The following DLEU7 variants were observed in gnomAD, a reference collection of about 807,000 sequenced individuals.
The protein encoded by DLEU7 is leukemia-associated protein 7.
DLEU7 carries 17 observed loss-of-function variants against 16.0 expected under a neutral mutation model. The observed-to-expected ratio is 1.06, with a 90% CI of 0.73 to 1.59. DLEU7 has a LOEUF of 1.59. DLEU7 is among the 40% of genes most tolerant of loss of function. The probability of loss-of-function intolerance (pLI) is 0.00; values close to 1 mark genes in which losing one functional copy is unlikely to be tolerated. For missense variants in DLEU7, 308 were observed against 314.9 expected (o/e 0.98, Z 0.17); for synonymous variants, 113 against 139.8 (o/e 0.81, Z 1.35).
At position 50,713,375 on chromosome 13, in the gene DLEU7, A is replaced by G. The variant is rs552954883; in HGVS notation, c.460-135T>C. 4.6e-6 allele frequency: 5 copies of G among 1,082,308 alleles called. No individual in the cohort carries two copies. In the African/African-American group the frequency reaches 7.8e-5, roughly 17 times the overall value. 67.0% of individuals were successfully genotyped at this position (1,082,308 alleles called of 1,614,324 possible). On this transcript the variant is annotated intron_variant, in intron 1 of 1. Coordinates refer to the DLEU7 transcript ENST00000400393. ...GTACTGGAGATATGGGCTAACACAC[A>G]TTTCTTGGCTACCCATTATAGATAA...
chr13:50,731,227 G>C (rs1382912138), intron 1 of DLEU7, among the ~76,000 whole-genome samples: 1 of 152,202 alleles, frequency 6.6e-6, no homozygotes, highest in Non-Finnish European at 1.5e-5. Context: ...GTGCTCTTGA[G>C]TGGAGTGTAC....
chr13:50,744,023 G>C (rs568296486), intron 1 of DLEU7, among the ~76,000 whole-genome samples: 2 of 152,190 alleles, frequency 1.3e-5, no homozygotes, highest in South Asian at 4.2e-4. Context: ...TCTGCCAATG[G>C]GTATATAAGG....
intron 1 of DLEU7, among the ~76,000 whole-genome samples, chr13:50,810,429 T>C (rs115284709): frequency 0.017 from 2,553 of 152,244 alleles, 68 homozygotes; most frequent in African/African-American, 0.059. Context: ...CCATCTATTA[T>C]TACCTTTGCT....
chr13:50,835,643 C>G (rs530183818), intron 1 of DLEU7, among the ~76,000 whole-genome samples: 4 of 152,334 alleles, frequency 2.6e-5, no homozygotes, highest in African/African-American at 9.6e-5. Flanking sequence ...CAACCCTGAG[C>G]TAATCAGAAA....
At chr13:50,814,473 A>T (rs1876663161) in intron 1 of DLEU7, among the ~76,000 whole-genome samples, 1 of 152,034 alleles carries the variant, frequency 6.6e-6, no homozygotes, top group Admixed American at 6.6e-5. Context: ...CAACAAACTA[A>T]TAATAATGAA....
At chr13:50,746,456 T>C (rs595270) in intron 1 of DLEU7, among the ~76,000 whole-genome samples, 75 of 152,304 alleles carry the variant, frequency 4.9e-4, no homozygotes, top group African/African-American at 1.8e-3. Context: ...AATGGATAAA[T>C]TTAATTTCCT....
At chr13:50,814,910 G>A (rs955655142) in intron 1 of DLEU7, among the ~76,000 whole-genome samples, 9 of 151,204 alleles carry the variant, frequency 6.0e-5, no homozygotes, top group African/African-American at 1.9e-4. Flanking sequence ...ATTTGGGTTG[G>A]GTGAAGAATT....
intron 1 of DLEU7, among the ~76,000 whole-genome samples, chr13:50,775,432 A>G (rs1875465177): frequency 6.6e-6 from 1 of 152,246 alleles, no homozygotes; most frequent in African/African-American, 2.4e-5. Context: ...TGTCTAACTT[A>G]TCAGGACTTG....
At chr13:50,843,848 G>A (rs1362871512), upstream of DLEU7, 15 of 644,246 alleles carry the variant, frequency 2.3e-5, 1 homozygote, top group East Asian at 5.2e-4. This position sits in a 1 kb window ranked among gnomAD's most constrained non-coding sequence, Gnocchi z 5.7. Context: ...GTCCGAATCA[G>A]GCGTGTTCTG....
chr13:50,771,103 C>T (rs1001495143), intron 1 of DLEU7, among the ~76,000 whole-genome samples: 1 of 152,136 alleles, frequency 6.6e-6, no homozygotes, highest in African/African-American at 2.4e-5. Context: ...TCTGTGGAAT[C>T]GGTGGTGATA....
At chr13:50,793,964 T>A (rs1024182183) in intron 1 of DLEU7, among the ~76,000 whole-genome samples, 1 of 152,240 alleles carries the variant, frequency 6.6e-6, no homozygotes, top group Non-Finnish European at 1.5e-5. Context: ...AGGTTTCTTC[T>A]AGGATTTTTA....
Position 50,823,299 on chromosome 13 carries a change from C to T in DLEU7, c.*15G>A, listed in dbSNP as rs1375606096. The T allele has an allele frequency of 4.9e-5, 75 of 1,534,302 alleles. No individual in the cohort carries two copies. Among genetic ancestry groups the T allele is most frequent in the Non-Finnish European group, 6.2e-5 (71 of 1,145,534 alleles). On this transcript the variant is annotated 3_prime_UTR_variant, in exon 2 of 2. Transcript: ENST00000504404. ...ACAGTGCTGGCTGTGGTTTTACTCC[C>T]GATGCCTTTAACACTCATATGTCTG...
At chr13:50,722,969 T>C (rs1873664208) in intron 1 of DLEU7, among the ~76,000 whole-genome samples, 1 of 152,226 alleles carries the variant, frequency 6.6e-6, no homozygotes, top group African/African-American at 2.4e-5. Flanking sequence ...CTTGTACTCA[T>C]TTGCAAAACA....
intron 1 of DLEU7, among the ~76,000 whole-genome samples, chr13:50,747,580 G>A (rs973491626): frequency 7.2e-5 from 11 of 152,002 alleles, no homozygotes; most frequent in African/African-American, 2.7e-4. Context: ...TCTAGTTGGA[G>A]CCAGTCACAG....
chr13:50,829,965 T>C (rs1313302856), intron 1 of DLEU7, among the ~76,000 whole-genome samples: 16 of 152,188 alleles, frequency 1.1e-4, no homozygotes, highest in Admixed American at 1.0e-3. Flanking sequence ...ATGATCAATA[T>C]TGGTGATGAT....
intron 1 of DLEU7, among the ~76,000 whole-genome samples, chr13:50,781,213 T>A (rs1491000217): frequency 6.6e-6 from 1 of 152,200 alleles, no homozygotes; most frequent in Non-Finnish European, 1.5e-5. Context: ...CTTTTGTTCA[T>A]GAGGGTTGTA....
intron 1 of DLEU7, among the ~76,000 whole-genome samples, chr13:50,753,504 C>T (rs1234137702): frequency 5.3e-5 from 8 of 152,362 alleles, no homozygotes; most frequent in South Asian, 2.1e-4. Flanking sequence ...ACTGGTGGGC[C>T]GGCTCTGCTG....
intron 1 of DLEU7, among the ~76,000 whole-genome samples, chr13:50,770,805 C>T (rs1353160017): frequency 1.3e-5 from 2 of 152,152 alleles, no homozygotes; most frequent in Non-Finnish European, 1.5e-5. Flanking sequence ...GGAGGATCCC[C>T]TCTTTTTCTG....
chr13:50,782,874 C>T (rs1410784463), intron 1 of DLEU7, among the ~76,000 whole-genome samples: 1 of 152,110 alleles, frequency 6.6e-6, no homozygotes, highest in Non-Finnish European at 1.5e-5. Flanking sequence ...GTAGCAGATG[C>T]TGTTGGTGCC....
Sources: gnomAD v4.1 joint callset for allele counts (sites outside exome capture counted in the v4.1 genomes callset) on GRCh38, gnomAD v4.1.1 for gene constraint, Gnocchi (gnomAD v3.1) non-coding constraint, MANE v1.5 for transcripts, NCBI Gene and HGNC (gene_info 2026-07-23, HGNC 2026-07-21) for gene names.